Variants in SCP2 observed in about 807,000 individuals in gnomAD.
The protein encoded by SCP2 is SCP-2/3-oxoacyl-CoA thiolase.
A neutral mutation model predicts 71.4 loss-of-function variants in SCP2; 48 were observed. The ratio of observed to expected loss-of-function variants is 0.67; its 90% CI spans 0.53 to 0.86. The LOEUF (loss-of-function observed/expected upper bound fraction) is 0.86, where lower values mean the gene tolerates loss of function less well. Among genes scored for constraint, SCP2 ranks in the 40% least tolerant of loss-of-function variants. The pLI, the probability that SCP2 is intolerant of heterozygous loss-of-function variation, is 0.00. For synonymous variants in SCP2, 220 were observed against 218.1 expected (o/e 1.01, Z -0.08); for missense variants, 560 against 655.6 (o/e 0.85, Z 1.59).
intron 13 of SCP2, among the ~76,000 whole-genome samples, chr1:53,036,629 ATAAT>A (rs1662970835): frequency 6.7e-6 from 1 of 149,922 alleles, no homozygotes; most frequent in Non-Finnish European, 1.5e-5. Context: ...TCTGTTTAAT[ATAAT>A]TAAACAGATC....
chr1:52,980,061 C>T (rs1169057316), intron 9 of SCP2, among the ~76,000 whole-genome samples: 1 of 152,004 alleles, frequency 6.6e-6, no homozygotes, highest in African/African-American at 2.4e-5. Context: ...GCAGCCTTGA[C>T]CTCCTGTGCT....
intron 11 of SCP2, among the ~76,000 whole-genome samples, chr1:53,013,617 T>G (rs528315816): frequency 4.7e-4 from 71 of 151,776 alleles, no homozygotes; most frequent in Admixed American, 2.4e-3. Context: ...TAAAATAAAT[T>G]TATTTTTAGT....
intron 13 of SCP2, among the ~76,000 whole-genome samples, chr1:53,028,404 T>A (rs1313888597): frequency 6.6e-6 from 1 of 152,176 alleles, no homozygotes; most frequent in Non-Finnish European, 1.5e-5. Flanking sequence ...TGCTGTAATT[T>A]CCTTTGAATT....
intron 12 of SCP2, among the ~76,000 whole-genome samples, chr1:53,017,133 A>G (rs959856177): frequency 1.3e-5 from 2 of 152,238 alleles, no homozygotes; most frequent in African/African-American, 4.8e-5. Context: ...GACTGAGAAT[A>G]GGTATGTATT....
At chr1:53,011,164 A>G (rs894937970) in intron 11 of SCP2, among the ~76,000 whole-genome samples, 2 of 152,228 alleles carry the variant, frequency 1.3e-5, no homozygotes, top group African/African-American at 2.4e-5. Context: ...CTCTGATAGT[A>G]GAAAACCATG....
intron 6 of SCP2, among the ~76,000 whole-genome samples, chr1:52,974,163 T>G (rs368871989): frequency 1.4e-4 from 22 of 152,308 alleles, no homozygotes; most frequent in African/African-American, 5.1e-4. Context: ...CAAAGCATAT[T>G]TTATTCAGTT....
intron 14 of SCP2, among the ~76,000 whole-genome samples, chr1:53,042,506 C>G (rs952059913): frequency 6.6e-6 from 1 of 152,142 alleles, no homozygotes; most frequent in Admixed American, 6.5e-5. Flanking sequence ...TGCTGTACCC[C>G]AGACCCCAAG....
chr1:53,024,743 T>A (rs1661997890), intron 12 of SCP2, among the ~76,000 whole-genome samples: 1 of 152,026 alleles, frequency 6.6e-6, no homozygotes, highest in South Asian at 2.1e-4. Flanking sequence ...GGCTAATTTT[T>A]GTATTTTTAG....
rs114341191 is a variant in SCP2, at chr1:52,956,171, A to G, written c.396+1367A>G. On this transcript the variant is annotated intron_variant, in intron 5 of 15. Transcript: ENST00000371514. Reference sequence around the variant, plus strand: ...TACAAAAAATTAGCCGGGTGTGGTGATATGCGCCCGTAATCCCAGCTACTC... The same window carrying G: ...TACAAAAAATTAGCCGGGTGTGGTGGTATGCGCCCGTAATCCCAGCTACTC... Among the ~76,000 whole-genome samples, 729 of 152,152 alleles carry G rather than the reference A, an allele frequency of 4.8e-3. 8 individuals carry two copies. The highest frequency in any genetic ancestry group is 0.017 in the African/African-American group (711 of 41,520).
At chr1:53,047,761 G>A (rs781096585) in intron 14 of SCP2, 97 bp from the exon 15 acceptor site, 14 of 827,950 alleles carry the variant, frequency 1.7e-5, no homozygotes, top group Non-Finnish European at 2.7e-5. Context: ...CTCAGTGCTG[G>A]TTATAATTCT....
intron 6 of SCP2, among the ~76,000 whole-genome samples, chr1:52,964,245 G>T (rs543919507): frequency 7.3e-6 from 1 of 137,670 alleles, no homozygotes; most frequent in African/African-American, 2.8e-5. Context: ...ACAGAGTCTC[G>T]CTCTGGAGTG....
intron 1 of SCP2, among the ~76,000 whole-genome samples, chr1:52,930,462 TA>T (rs751850064): frequency 3.9e-5 from 6 of 152,130 alleles, no homozygotes; most frequent in African/African-American, 4.8e-5. Flanking sequence ...CCTTCTCTAC[TA>T]AAAATAAGAA....
chr1:52,997,635 C>T (rs555024173), intron 11 of SCP2, among the ~76,000 whole-genome samples: 1 of 152,140 alleles, frequency 6.6e-6, no homozygotes, highest in African/African-American at 2.4e-5. Flanking sequence ...CTAGGGAACA[C>T]AGGAGAGAGA....
chr1:52,964,742 C>A (rs993258251), intron 6 of SCP2, among the ~76,000 whole-genome samples: 1 of 152,012 alleles, frequency 6.6e-6, no homozygotes, highest in Admixed American at 6.6e-5. Context: ...AGGCTGGGTG[C>A]TGTGGCTCAC....
chr1:52,973,287 T>TA (rs1657655430), intron 6 of SCP2, among the ~76,000 whole-genome samples: 1 of 151,964 alleles, frequency 6.6e-6, no homozygotes, highest in East Asian at 1.9e-4. Context: ...TGTCTTACAG[T>TA]AAAGACGTGT....
intron 1 of SCP2, among the ~76,000 whole-genome samples, chr1:52,940,668 A>G (rs1174040282): frequency 6.6e-6 from 1 of 152,236 alleles, no homozygotes; most frequent in Non-Finnish European, 1.5e-5. Flanking sequence ...AACACAATGC[A>G]TACCACAGTA....
intron 5 of SCP2, among the ~76,000 whole-genome samples, chr1:52,956,930 G>C (rs564972087): frequency 6.1e-5 from 6 of 97,956 alleles, no homozygotes; most frequent in Non-Finnish European, 9.5e-5. Context: ...TTTTTTTTGA[G>C]ACCAAGTCTC....
rs12095520 is a variant in SCP2 at position 53,050,322 on chromosome 1, G to A, written c.1549-287G>A. On this transcript the variant is annotated intron_variant, in intron 15 of 15. Transcript: ENST00000371514. ...CATGGAATGTTTTAAAACATAATCA[G>A]TGTAGTATGAACCCACTTTGAGGAG... 0.026 allele frequency: 9,748 copies of A among 376,162 alleles called. 814 individuals carry two copies. The highest frequency in any genetic ancestry group is 0.19 in the African/African-American group (8,853 of 47,824). The allele number at this position is 376,162 out of a possible 1,614,324, so 23.3% of individuals were successfully genotyped here.
At position 52,927,461 on chromosome 1, in the gene SCP2, C is replaced by T. The variant is rs1263982972; in HGVS notation, c.65C>T (p.Thr22Ile). ...GTGTTCGTGGTGGGGGTTGGCATGACCAAGGTAAACCGAGCAGCGGCCCTG... is the reference window on the plus strand; with the variant it reads ...GTGTTCGTGGTGGGGGTTGGCATGATCAAGGTAAACCGAGCAGCGGCCCTG... ...RRVFVVGVGMTKFVKPGAENS... is the reference protein window; with the variant it reads ...RRVFVVGVGMIKFVKPGAENS... Residue 22 changes from threonine to isoleucine, a missense_variant, in exon 1 of 16, where the codon ACC becomes ATC. This residue lies in a region of SCP2 where 513 missense variants were observed against 573.1 expected (regional missense o/e 0.90). Coordinates refer to ENST00000371514, the MANE Select transcript of SCP2 (RefSeq NM_002979.5). 1.3e-6 allele frequency: 2 copies of T among 1,597,562 alleles called. No homozygotes were observed. The highest frequency in any genetic ancestry group is 1.3e-5 in the African/African-American group (1 of 74,786).
Sources: gnomAD v4.1 joint callset for allele counts (sites outside exome capture counted in the v4.1 genomes callset) on GRCh38, gnomAD v4.1.1 for gene constraint, gnomAD v4.1.1 regional missense constraint, MANE v1.5 for transcripts, NCBI Gene and HGNC (gene_info 2026-07-23, HGNC 2026-07-21) for gene names.